ARL10: variants seen among roughly 807,000 people sequenced by gnomAD.
ARL10 encodes ADP-ribosylation factor-like protein 10.
A neutral mutation model predicts 26.1 loss-of-function variants in ARL10; 23 were observed. The ratio of observed to expected loss-of-function variants is 0.88; its 90% CI spans 0.63 to 1.25. The LOEUF (loss-of-function observed/expected upper bound fraction) is 1.25, where lower values mean the gene tolerates loss of function less well. Among genes scored for constraint, ARL10 ranks in the 50% most tolerant of loss-of-function variants. ARL10 has a pLI of 0.00. For synonymous variants in ARL10, 138 were observed against 149.1 expected (o/e 0.93, Z 0.54); for missense variants, 300 against 323.6 (o/e 0.93, Z 0.56).
rs1768582272 is a variant in ARL10, at chr5:176,372,662, A to G, written c.*767A>G. 5.4e-6 allele frequency: 2 copies of G among 368,694 alleles called. No individual in the cohort carries two copies. Among genetic ancestry groups the G allele is most frequent in the South Asian group, 3.0e-4 (2 of 6,776 alleles). The allele number at this position is 368,694 out of a possible 1,614,324, so 22.8% of individuals were successfully genotyped here. On this transcript the variant is annotated 3_prime_UTR_variant, in exon 4 of 4. Coordinates refer to ENST00000310389, the MANE Select transcript of ARL10 (RefSeq NM_173664.6). ...AGTGAAGGCTGGGTTTTTCCCCTCT[A>G]ATCTGGAGACAAGCTGCTGCTCTCG...
At chr5:176,384,681 G>T, downstream of ARL10, 1 of 421,212 alleles carries the variant, frequency 2.4e-6, no homozygotes, top group Non-Finnish European at 4.2e-6. Flanking sequence ...GAGGCAGGAG[G>T]ACTGTTTCAG....
intron 1 of ARL10, chr5:176,396,419 A>G: frequency 1.4e-6 from 2 of 1,414,086 alleles, no homozygotes; most frequent in Non-Finnish European, 2.0e-6. Context: ...GAAACTCAAG[A>G]AACTGTGGTG....
At chr5:176,409,089 G>A in the ARL10 span, among the ~76,000 whole-genome samples, 1 of 152,088 alleles carries the variant, frequency 6.6e-6, no homozygotes, top group African/African-American at 2.4e-5. Context: ...CTATTCTCCT[G>A]CCTCAGCCTC....
chr5:176,383,203 T>C (rs563035956), downstream of ARL10, among the ~76,000 whole-genome samples: 1 of 152,298 alleles, frequency 6.6e-6, no homozygotes, highest in South Asian at 2.1e-4. Flanking sequence ...ATACAAGATT[T>C]CACATGAAAT....
At position 176,374,599 on chromosome 5, in the gene ARL10, T is replaced by C. The variant is rs888575904; in HGVS notation, c.*2704T>C. On this transcript the variant is annotated 3_prime_UTR_variant, in exon 4 of 4. Transcript: ENST00000310389. ...ACAACTCAAGTTCAGACGATAAAAA[T>C]AGTTCAACAGCGTGCAAGCTCTGCT... The C allele has an allele frequency of 2.0e-5, 3 of 152,190 alleles. No individual in the cohort carries two copies. Among genetic ancestry groups the C allele is most frequent in the South Asian group, 2.1e-4 (1 of 4,832 alleles). 9.4% of individuals were successfully genotyped at this position (152,190 alleles called of 1,614,324 possible).
chr5:176,394,602 G>A (rs1302368565), intron 1 of ARL10, among the ~76,000 whole-genome samples: 4 of 147,274 alleles, frequency 2.7e-5, no homozygotes, highest in Admixed American at 1.3e-4. Flanking sequence ...CGGATCACGA[G>A]GTCAGATGGA....
Position 176,394,027 on chromosome 5 carries a change from C to G in ARL10, c.134-7714C>G, listed in dbSNP as rs13361615. 3.3e-3 allele frequency among the ~76,000 whole-genome samples: 499 copies of G among 152,330 alleles called. 2 individuals carry two copies. Among genetic ancestry groups the G allele is most frequent in the African/African-American group, 0.011 (469 of 41,574 alleles). On this transcript the variant is annotated intron_variant, in intron 1 of 1. Transcript: ENST00000514533. ...CCGGATCAGGTGACCTGGCCCCTCTCTAGGGATGCTGGCTGTATGCTCATT... is the reference window on the plus strand; with the variant it reads ...CCGGATCAGGTGACCTGGCCCCTCTGTAGGGATGCTGGCTGTATGCTCATT...
chr5:176,392,525 G>A (rs1322334889), downstream of ARL10: 2 of 509,604 alleles, frequency 3.9e-6, no homozygotes, highest in African/African-American at 1.9e-5. This position sits in a 1 kb window ranked among gnomAD's most constrained non-coding sequence, Gnocchi z 5.2. Context: ...TTTAAGCCAA[G>A]AAAAAAAATA....
At position 176,376,891 on chromosome 5, in the gene ARL10, T is replaced by C. The variant is rs1038752548; in HGVS notation, c.*4996T>C. On this transcript the variant is annotated 3_prime_UTR_variant, in exon 4 of 4. Transcript: ENST00000310389. ...GTGAGGTTTAAGGGCACTTTTTCTC[T>C]GATACCATCTCCAGAAGACCTAGTC... The C allele has an allele frequency of 6.6e-6, 1 of 152,250 alleles. No homozygotes were observed. The highest frequency in any genetic ancestry group is 1.5e-5 in the Non-Finnish European group (1 of 68,046). The allele number at this position is 152,250 out of a possible 1,614,324, so 9.4% of individuals were successfully genotyped here.
downstream of ARL10, among the ~76,000 whole-genome samples, chr5:176,382,593 A>C (rs1457955939): frequency 6.6e-6 from 1 of 152,162 alleles, no homozygotes; most frequent in African/African-American, 2.4e-5. Flanking sequence ...CTGATTTTCC[A>C]TTCTCTGACC....
chr5:176,400,712 T>C (rs1756776002), intron 1 of ARL10, among the ~76,000 whole-genome samples: 1 of 152,212 alleles, frequency 6.6e-6, no homozygotes, highest in African/African-American at 2.4e-5. Context: ...TCCCTCCTCC[T>C]TCAAGCACTT....
the ARL10 span, among the ~76,000 whole-genome samples, chr5:176,408,930 C>A: frequency 2.0e-5 from 3 of 152,234 alleles, no homozygotes; most frequent in Admixed American, 2.0e-4. Context: ...TGGGGCTAAC[C>A]ATTGTTAACA....
intron 1 of ARL10, 43 bp from the exon 2 acceptor site, chr5:176,366,337 T>G (rs1768298851): frequency 1.3e-6 from 2 of 1,560,202 alleles, no homozygotes; most frequent in Non-Finnish European, 1.7e-6. Flanking sequence ...GAAAGGTCCT[T>G]CGGGAGGCCG....
downstream of ARL10, chr5:176,389,876 C>CA (rs1239139944): frequency 5.9e-6 from 1 of 170,136 alleles, no homozygotes; most frequent in Non-Finnish European, 1.3e-5. Flanking sequence ...AACAGCCACC[C>CA]AGGGCACTTT....
downstream of ARL10, among the ~76,000 whole-genome samples, chr5:176,391,689 G>A (rs1483755488): frequency 6.6e-6 from 1 of 152,248 alleles, no homozygotes; most frequent in Non-Finnish European, 1.5e-5. Flanking sequence ...GCCACCTGAT[G>A]GGGGCAGGAT....
chr5:176,389,726 C>T, downstream of ARL10: 1 of 455,734 alleles, frequency 2.2e-6, no homozygotes, highest in Non-Finnish European at 3.9e-6. Context: ...CTCCACTCCC[C>T]TGCTTAATAA....
Position 176,393,965 on chromosome 5 carries a change from T to A in ARL10, c.134-7776T>A, listed in dbSNP as rs1756374184. Among the ~76,000 whole-genome samples, 1 of 152,164 alleles carries A rather than the reference T, an allele frequency of 6.6e-6. No homozygotes were observed. Among genetic ancestry groups the A allele is most frequent in the African/African-American group, 2.4e-5 (1 of 41,440 alleles). ...GGACCAGTTCTGCCGATGCCAGACA[T>A]GACTGATGGCAGGAGCGCTCCATGG... is the stretch of plus-strand genomic sequence containing the variant. On this transcript the variant is annotated intron_variant, in intron 1 of 1. Coordinates refer to the ARL10 transcript ENST00000514533. This position sits in a 1 kb window ranked among gnomAD's most constrained non-coding sequence, Gnocchi z 4.4.
chr5:176,389,040 G>A (rs747608997), downstream of ARL10: 15 of 1,579,998 alleles, frequency 9.5e-6, no homozygotes, highest in Non-Finnish European at 1.3e-5. Context: ...AAGTAGAGAA[G>A]GACCAGAGCG....
chr5:176,398,127 C>A, intron 1 of ARL10: 6 of 1,308,512 alleles, frequency 4.6e-6, no homozygotes, highest in Non-Finnish European at 6.6e-6. Flanking sequence ...GGGACCCACT[C>A]ATGTCTGGAT....
Sources: allele counts gnomAD v4.1 joint callset (sites outside exome capture counted in the v4.1 genomes callset), GRCh38; gene constraint gnomAD v4.1.1; non-coding constraint Gnocchi (gnomAD v3.1); transcripts MANE v1.5; gene names NCBI Gene and HGNC (gene_info 2026-07-23, HGNC 2026-07-21).